DLGAP2: variants seen among roughly 807,000 people sequenced by gnomAD.
The protein encoded by DLGAP2 is disks large-associated protein 2.
A neutral mutation model predicts 100.3 loss-of-function variants in DLGAP2; 26 were observed. That is an observed-to-expected ratio of 0.26 (90% CI 0.19 to 0.36). The LOEUF (loss-of-function observed/expected upper bound fraction) is 0.36. Among genes scored for constraint, DLGAP2 ranks in the 10% least tolerant of loss-of-function variants. The pLI is 1.00. For synonymous variants in DLGAP2, 886 were observed against 630.1 expected, an observed-to-expected ratio of 1.41 and a Z score of -6.08; for missense variants, 1,858 against 1,453.2, an observed-to-expected ratio of 1.28 and a Z score of -4.53.
chr8:1,449,518 C>A (rs114549999), intron 3 of DLGAP2, among the ~76,000 whole-genome samples: 3,001 of 152,248 alleles, frequency 0.02, 93 homozygotes, highest in African/African-American at 0.069. Context: ...GCTCTCACAG[C>A]CAAGCTGCTG....
chr8:1,001,064 C>T (rs1800941633), intron 2 of DLGAP2, among the ~76,000 whole-genome samples: 1 of 152,222 alleles, frequency 6.6e-6, no homozygotes. Flanking sequence ...CCACTCACTT[C>T]TCTGAGTGGC....
intron 2 of DLGAP2, among the ~76,000 whole-genome samples, chr8:1,010,248 A>C (rs1436430635): frequency 6.6e-6 from 1 of 151,940 alleles, no homozygotes; most frequent in Non-Finnish European, 1.5e-5. Flanking sequence ...ACATGTGCCC[A>C]CATATGCGCA....
chr8:959,654 C>T (rs1799676966), intron 2 of DLGAP2, among the ~76,000 whole-genome samples: 1 of 152,156 alleles, frequency 6.6e-6, no homozygotes, highest in African/African-American at 2.4e-5. Context: ...TACTGGTTGC[C>T]AGTCATGTGA....
Position 1,207,787 on chromosome 8 carries a change from G to T in DLGAP2, c.74-51064G>T, listed in dbSNP as rs143838632. On this transcript the variant is annotated intron_variant, in intron 2 of 14. Transcript: ENST00000637795. ...AGGAGTGAGGTGGTGTCACACTGTG[G>T]TTTTTTTATTTGCACGTCCTTGATA... Among the ~76,000 whole-genome samples, 436 of 152,172 alleles carry T rather than the reference G, an allele frequency of 2.9e-3. 6 individuals carry two copies. In the East Asian group the frequency reaches 0.03, roughly 10 times the overall value.
In DLGAP2 at chr8:1,050,031, T is replaced by C. The variant is rs375833420; in HGVS notation, c.73+142065T>C. On this transcript the variant is annotated intron_variant, in intron 2 of 14. Coordinates refer to ENST00000637795, the MANE Select transcript of DLGAP2 (RefSeq NM_001346810.2). ...GCATATGTACACACATGCGGATATG[T>C]GTACACACATGCTGTCACACACATG... Among the ~76,000 whole-genome samples, 22 of 152,294 alleles carry C rather than the reference T, an allele frequency of 1.4e-4. No homozygotes were observed. The East Asian group carries it at 4.1e-3, about 28-fold the overall frequency.
chr8:844,818 G>C (rs1797044359), intron 1 of DLGAP2, among the ~76,000 whole-genome samples: 1 of 152,018 alleles, frequency 6.6e-6, no homozygotes, highest in African/African-American at 2.4e-5. Context: ...ACCTATCTTA[G>C]CCATCCTCTC....
At chr8:1,498,409 G>C (rs948128045) in intron 3 of DLGAP2, among the ~76,000 whole-genome samples, 6 of 152,018 alleles carry the variant, frequency 3.9e-5, no homozygotes, top group Non-Finnish European at 5.9e-5. Context: ...ATTCGGGATG[G>C]AAATATTTTT....
At chr8:1,046,794 A>G (rs1282177927) in intron 2 of DLGAP2, among the ~76,000 whole-genome samples, 1 of 151,714 alleles carries the variant, frequency 6.6e-6, no homozygotes, top group Non-Finnish European at 1.5e-5. Context: ...GGAATTTGTG[A>G]TTTATTAAAT....
intron 1 of DLGAP2, among the ~76,000 whole-genome samples, chr8:822,809 G>A (rs552140428): frequency 3.6e-4 from 55 of 152,148 alleles, no homozygotes; most frequent in Non-Finnish European, 7.3e-4. Context: ...GGCTGTGGAC[G>A]CCACAGTGAC....
At position 1,602,269 on chromosome 8, in the gene DLGAP2, GA is replaced by G. The variant is rs574220847; in HGVS notation, c.1443-24470del. On this transcript the variant is annotated intron_variant, in intron 6 of 14. Transcript: ENST00000637795. ...GATAATGTTGTTATTTCTAATTAAT[GA>G]CATTCTAGTAGAAAGTGTAAGACAG... Among the ~76,000 whole-genome samples the G allele has an allele frequency of 1.1e-4, 17 of 152,296 alleles. No homozygotes were observed. The South Asian group carries it at 3.1e-3, about 28-fold the overall frequency.
chr8:1,163,076 G>T (rs375264797), intron 2 of DLGAP2, among the ~76,000 whole-genome samples: 9 of 152,302 alleles, frequency 5.9e-5, no homozygotes, highest in African/African-American at 1.4e-4. Flanking sequence ...TCCTCGGCTG[G>T]TAAGAGGCCC....
intron 2 of DLGAP2, among the ~76,000 whole-genome samples, chr8:1,072,575 G>T (rs112330796): frequency 0.014 from 2,163 of 152,310 alleles, 67 homozygotes; most frequent in African/African-American, 0.048. Context: ...GGCCTGGCTT[G>T]TGGCTGTTCC....
chr8:1,681,908 C>T, intron 12 of DLGAP2, among the ~76,000 whole-genome samples: 1 of 148,076 alleles, frequency 6.8e-6, no homozygotes, highest in South Asian at 2.1e-4. Context: ...TGATCTGGGA[C>T]TGGGAGTCAC....
At chr8:1,087,996 C>G (rs1247454986) in intron 2 of DLGAP2, among the ~76,000 whole-genome samples, 1 of 152,256 alleles carries the variant, frequency 6.6e-6, no homozygotes, top group Non-Finnish European at 1.5e-5. Context: ...CTGGATAGAG[C>G]TGCACTTCAC....
chr8:1,573,186 G>A lies in DLGAP2; in HGVS notation c.1442+7292G>A, dbSNP rs191454091. ...AATCTGATGAGATGGAGATGAGAGA[G>A]GGTGAAGTGTCAGGGGCATCTGATG... On this transcript the variant is annotated intron_variant, in intron 6 of 14. Coordinates refer to ENST00000637795, the MANE Select transcript of DLGAP2 (RefSeq NM_001346810.2). Among the ~76,000 whole-genome samples the A allele has an allele frequency of 2.8e-4, 38 of 135,678 alleles. 1 individual carries two copies. The highest frequency in any genetic ancestry group is 9.4e-4 in the African/African-American group (32 of 34,194). The allele number at this position is 135,678 out of a possible 152,430, so 89.0% of individuals were successfully genotyped here. A position where few individuals can be genotyped will look rare whatever the true frequency, so the allele number is the denominator to read the frequency against.
At chr8:935,934 G>T (rs767624871) in intron 2 of DLGAP2, among the ~76,000 whole-genome samples, 18 of 152,200 alleles carry the variant, frequency 1.2e-4, no homozygotes, top group Non-Finnish European at 2.5e-4. Context: ...AGCTGCATAA[G>T]AGTGGGGACA....
At chr8:1,118,257 A>G (rs1795942676) in intron 2 of DLGAP2, among the ~76,000 whole-genome samples, 1 of 152,186 alleles carries the variant, frequency 6.6e-6, no homozygotes, top group Non-Finnish European at 1.5e-5. Flanking sequence ...GCTCGGGGGA[A>G]CTTCTTCAGC....
In DLGAP2 at chr8:1,350,340, G is replaced by T. The variant is rs1417822526; in HGVS notation, c.106+91457G>T. Among the ~76,000 whole-genome samples the T allele has an allele frequency of 2.2e-4, 21 of 94,412 alleles. 1 individual carries two copies. Among genetic ancestry groups the T allele is most frequent in the African/African-American group, 7.3e-4 (19 of 26,072 alleles). The allele number at this position is 94,412 out of a possible 152,430, so 61.9% of individuals were successfully genotyped here. ...TGAGCGTGCGTGGAAAGGCCGTGCG[G>T]GTCCTGACAGTGTGTGGAAAGGCCG... On this transcript the variant is annotated intron_variant, in intron 3 of 14. Transcript: ENST00000637795.
At chr8:1,180,353 G>A (rs1475167619) in intron 2 of DLGAP2, among the ~76,000 whole-genome samples, 2 of 152,162 alleles carry the variant, frequency 1.3e-5, no homozygotes, top group Non-Finnish European at 2.9e-5. Flanking sequence ...CCAGAAGCAC[G>A]CTTCTGATTT....
Sources: allele counts gnomAD v4.1 joint callset (sites outside exome capture counted in the v4.1 genomes callset), GRCh38; gene constraint gnomAD v4.1.1; transcripts MANE v1.5; gene names NCBI Gene and HGNC (gene_info 2026-07-23, HGNC 2026-07-21).